The following HEATR3 variants were observed in gnomAD, a reference collection of about 807,000 sequenced individuals.
HEATR3 encodes HEAT repeat containing 3.
HEATR3 carries 56 observed loss-of-function variants against 72.8 expected under a neutral mutation model. The observed-to-expected ratio is 0.77, with a 90% CI of 0.62 to 0.96. The LOEUF (loss-of-function observed/expected upper bound fraction) is 0.96. Ranked by LOEUF, HEATR3 falls within the 40% of genes least tolerant of loss-of-function variation. The probability of loss-of-function intolerance (pLI) is 0.00; values close to 1 mark genes in which losing one functional copy is unlikely to be tolerated. For synonymous variants in HEATR3, 331 were observed against 318.1 expected (o/e 1.04, Z -0.43); for missense variants, 747 against 831.4 (o/e 0.90, Z 1.25).
At chr16:50,094,642 T>C in intron 11 of HEATR3, 63 bp from the exon 12 acceptor site, 1 of 903,476 alleles carries the variant, frequency 1.1e-6, no homozygotes. Flanking sequence ...TTTTGTTTGT[T>C]GCTTCTACAA....
intron 6 of HEATR3, 91 bp from the exon 7 acceptor site, chr16:50,078,650 A>T (rs766027830): frequency 1.8e-5 from 23 of 1,289,784 alleles, no homozygotes; most frequent in Non-Finnish European, 2.4e-5. Flanking sequence ...TTGAAATTAC[A>T]CTGGCCTTAA....
Position 50,100,278 on chromosome 16 carries a change from AGTAGTAAT to A in HEATR3, c.1651_1658del (p.Ser551ArgfsTer3). On this transcript the variant is annotated frameshift_variant, in exon 13 of 15. Transcript: ENST00000299192. LOFTEE classifies it high-confidence loss of function. The stretch of plus-strand genomic sequence containing the variant: ...GACATTATGCAAAGCAGGCATTCAT[AGTAGTAAT>A]GTCGGGGTTAGAGTGAATGTCGTTA... 1 of 1,613,986 alleles carries A rather than the reference AGTAGTAAT, an allele frequency of 6.2e-7. No individual in the cohort carries two copies. The highest frequency in any genetic ancestry group is 8.5e-7 in the Non-Finnish European group (1 of 1,179,864).
chr16:50,098,489 A>G (rs2037295050), intron 12 of HEATR3: 1 of 152,082 alleles, frequency 6.6e-6, no homozygotes, highest in African/African-American at 2.4e-5. Context: ...CCCCGTCTCT[A>G]TTAAAAAATA....
At chr16:50,071,320 G>A (rs149852688) in intron 4 of HEATR3, among the ~76,000 whole-genome samples, 16 of 152,204 alleles carry the variant, frequency 1.1e-4, no homozygotes, top group African/African-American at 3.6e-4. Flanking sequence ...AAATGCCTAC[G>A]TGGCAATCTG....
At position 50,075,638 on chromosome 16, in the gene HEATR3, G is replaced by C; in HGVS notation, c.690G>C (p.Leu230Phe). 6.2e-7 allele frequency: 1 copy of C among 1,613,230 alleles called. No individual in the cohort carries two copies. The highest frequency in any genetic ancestry group is 8.5e-7 in the Non-Finnish European group (1 of 1,179,200). Residue 230 changes from leucine (L) to phenylalanine (F), a missense_variant, in exon 6 of 15, where the codon TTG (leucine) becomes TTC (phenylalanine). Transcript: ENST00000299192. ...TGAAGTCTTTCAGTGCTACAGCATT[G>C]AACATGCTGGAATCAGCACTGCTTT... ...ELLKSFSATA[L>F]NMLESALLSP...
intron 14 of HEATR3, among the ~76,000 whole-genome samples, chr16:50,102,842 G>A (rs1410108199): frequency 2.0e-5 from 3 of 151,846 alleles, no homozygotes; most frequent in Non-Finnish European, 4.4e-5. Context: ...GGCTCACTGC[G>A]ACCTCCCCTT....
intron 7 of HEATR3, among the ~76,000 whole-genome samples, chr16:50,083,095 C>T (rs1054910793): frequency 6.6e-6 from 1 of 152,144 alleles, no homozygotes; most frequent in Non-Finnish European, 1.5e-5. Flanking sequence ...GAACGTGCCA[C>T]TGCACTCCAG....
In HEATR3 at chr16:50,078,999, T is replaced by A. The variant is rs768028506; in HGVS notation, c.1022T>A (p.Phe341Tyr). The A allele has an allele frequency of 6.2e-7, 1 of 1,612,056 alleles. No individual in the cohort carries two copies. Among genetic ancestry groups the A allele is most frequent in the Non-Finnish European group, 8.5e-7 (1 of 1,179,086 alleles). The change falls in exon 7 of 15, where the codon TTC becomes TAC. Residue 341 changes from phenylalanine (F) to tyrosine (Y), a missense_variant. By Grantham distance (22) the Phe-to-Tyr change is conservative. Transcript: ENST00000299192. ...SHKRRVRRKT[F>Y]VSDLLPPTDK... ...AAAAGAAGAGTCAGAAGGAAAACTTTCGTTTCAGATTTACTTCCGGTAAGT... is the reference window on the plus strand; with the variant it reads ...AAAAGAAGAGTCAGAAGGAAAACTTACGTTTCAGATTTACTTCCGGTAAGT...
intron 11 of HEATR3, among the ~76,000 whole-genome samples, chr16:50,088,137 CAA>C (rs1332333510): frequency 1.3e-5 from 2 of 152,078 alleles, no homozygotes; most frequent in African/African-American, 4.8e-5. Flanking sequence ...CAAAAAAAAT[CAA>C]AAGAGAGTCA....
intron 5 of HEATR3, among the ~76,000 whole-genome samples, chr16:50,075,273 G>A (rs928315248): frequency 1.4e-5 from 2 of 143,732 alleles, no homozygotes; most frequent in East Asian, 2.1e-4. Flanking sequence ...GCTGAGATGC[G>A]CCACTGCATT....
chr16:50,076,720 G>A (rs9931762), intron 6 of HEATR3, among the ~76,000 whole-genome samples: 33,859 of 111,364 alleles, frequency 0.3, 4,093 homozygotes, highest in Middle Eastern at 0.35. Flanking sequence ...TTTTTTTTGA[G>A]ACGGACTCTT....
At chr16:50,066,928 C>A in intron 2 of HEATR3, 1 of 196,554 alleles carries the variant, frequency 5.1e-6, no homozygotes. Flanking sequence ...AGCCAAGATC[C>A]CTGTCTTGGC....
chr16:50,100,579 AT>A, intron 13 of HEATR3: 1 of 517,054 alleles, frequency 1.9e-6, no homozygotes, highest in Non-Finnish European at 3.3e-6. Flanking sequence ...GTTGAGCCAC[AT>A]TTTACAATTT....
intron 3 of HEATR3, chr16:50,069,247 G>A (rs775406549): frequency 7.7e-5 from 13 of 167,958 alleles, no homozygotes; most frequent in Non-Finnish European, 1.3e-4. Flanking sequence ...TTTTACAGAT[G>A]ACAAAGCCGA....
intron 2 of HEATR3, 128 bp downstream of exon 2, chr16:50,066,667 G>C: frequency 1.1e-6 from 1 of 876,770 alleles, no homozygotes; most frequent in African/African-American, 1.7e-5. Flanking sequence ...CCCGTTTGCA[G>C]AGATTTGAAG....
chr16:50,099,357 C>G (rs1467461954), intron 12 of HEATR3, among the ~76,000 whole-genome samples: 1 of 152,176 alleles, frequency 6.6e-6, no homozygotes, highest in African/African-American at 2.4e-5. Context: ...ATAATCCTAA[C>G]ACTTTGGGAG....
At chr16:50,092,042 A>C (rs1293313238) in intron 11 of HEATR3, among the ~76,000 whole-genome samples, 1 of 152,116 alleles carries the variant, frequency 6.6e-6, no homozygotes, top group Non-Finnish European at 1.5e-5. Context: ...TTGAAGTTTA[A>C]TAGCAACAAA....
intron 9 of HEATR3, 87 bp downstream of exon 9, chr16:50,084,378 A>T: frequency 6.8e-7 from 1 of 1,467,248 alleles, no homozygotes. Flanking sequence ...AAGCAAGCTC[A>T]CACTTCCAGG....
intron 5 of HEATR3, chr16:50,073,582 G>A (rs1450414852): frequency 6.6e-6 from 1 of 152,188 alleles, no homozygotes; most frequent in African/African-American, 2.4e-5. Flanking sequence ...TCTTGGTGGG[G>A]CTGGAGAGTT....
Sources: allele counts gnomAD v4.1 joint callset (sites outside exome capture counted in the v4.1 genomes callset), GRCh38; gene constraint gnomAD v4.1.1; transcripts MANE v1.5; gene names NCBI Gene and HGNC (gene_info 2026-07-23, HGNC 2026-07-21).